NECAB1: variants seen among roughly 807,000 people sequenced by gnomAD.
NECAB1 encodes N-terminal EF-hand calcium-binding protein 1.
In NECAB1, 29 loss-of-function variants were observed where a neutral mutation model predicts 57.5. That is an observed-to-expected ratio of 0.50 (90% CI 0.38 to 0.69). The LOEUF is 0.69. Ranked by LOEUF, NECAB1 falls within the 30% of genes least tolerant of loss-of-function variation. The pLI is 0.00. For synonymous variants in NECAB1, 142 were observed against 147.7 expected (o/e 0.96, Z 0.28); for missense variants, 372 against 413.8 (o/e 0.90, Z 0.88).
At chr8:90,811,365 A>G (rs995835068) in intron 2 of NECAB1, among the ~76,000 whole-genome samples, 5 of 152,194 alleles carry the variant, frequency 3.3e-5, no homozygotes, top group Admixed American at 6.5e-5. Context: ...AGGCATCACT[A>G]AGCCAAATGA....
intron 5 of NECAB1, among the ~76,000 whole-genome samples, chr8:90,898,533 G>A (rs181714889): frequency 1.4e-4 from 22 of 152,326 alleles, no homozygotes; most frequent in Non-Finnish European, 3.1e-4. Flanking sequence ...GCAGCTCCAA[G>A]TGAGTTTGAA....
intron 12 of NECAB1, among the ~76,000 whole-genome samples, chr8:90,955,112 T>TTATATATATA (rs59244524): frequency 0.042 from 2,938 of 70,496 alleles, 206 homozygotes; most frequent in East Asian, 0.06. Context: ...GGTATATAAA[T>TTATATATATA]TATATATATA....
At chr8:90,911,692 C>G (rs141357927) in intron 5 of NECAB1, among the ~76,000 whole-genome samples, 1 of 152,212 alleles carries the variant, frequency 6.6e-6, no homozygotes, top group East Asian at 1.9e-4. Flanking sequence ...TTGTGAAGAG[C>G]CTGCTATGTG....
At position 90,881,022 on chromosome 8, in the gene NECAB1, T is replaced by C; in HGVS notation, c.260-11T>C. 6.4e-7 allele frequency: 1 copy of C among 1,559,824 alleles called. No homozygotes were observed. Among genetic ancestry groups the C allele is most frequent in the African/African-American group, 1.4e-5 (1 of 73,340 alleles). On this transcript the variant is annotated splice_polypyrimidine_tract_variant and intron_variant, in intron 4 of 12. Transcript: ENST00000417640. ...CAAATATGAATTTATTTCAATATTT[T>C]CATTTTTCAGAATATTTTTCTCAGC... is the stretch of plus-strand genomic sequence containing the variant.
At position 90,917,840 on chromosome 8, in the gene NECAB1, CTATATATA is replaced by C. The variant is rs34288387; in HGVS notation, c.494+236_494+243del. Among the ~76,000 whole-genome samples, 73 of 47,332 alleles carry C rather than the reference CTATATATA, an allele frequency of 1.5e-3. 3 individuals carry two copies. Among genetic ancestry groups the C allele is most frequent in the South Asian group, 7.2e-3 (10 of 1,380 alleles). The allele number at this position is 47,332 out of a possible 152,430, so 31.1% of individuals were successfully genotyped here. A position where few individuals can be genotyped will look rare whatever the true frequency, so the allele number is the denominator to read the frequency against. ...CTTTTACTGTCAGTCATTTAGTAAA[CTATATATA>C]TATATATATATATATATATATATGT... On this transcript the variant is annotated intron_variant, in intron 6 of 12. Coordinates refer to ENST00000417640, the MANE Select transcript of NECAB1 (RefSeq NM_022351.5).
intron 10 of NECAB1, 48 bp from the exon 11 acceptor site, chr8:90,949,759 C>T (rs1333721716): frequency 9.1e-7 from 1 of 1,102,300 alleles, no homozygotes; most frequent in Non-Finnish European, 1.4e-6. Flanking sequence ...AGTTAGCTTG[C>T]ATCTTTAATT....
rs532584858 is a variant in NECAB1 at position 90,872,159 on chromosome 8, T to A, written c.259+6T>A. On this transcript the variant is annotated splice_donor_region_variant and intron_variant, in intron 4 of 12. Transcript: ENST00000417640. ...TGACACAGAAGAGCTATGTGGTAAG[T>A]GTTTCTTTAAGATCAGTCAAACCTA... 21 of 1,547,398 alleles carry A rather than the reference T, an allele frequency of 1.4e-5. No homozygotes were observed. The East Asian group carries it at 4.3e-4, about 32-fold the overall frequency.
chr8:90,898,864 C>T (rs1319945507), intron 5 of NECAB1, among the ~76,000 whole-genome samples: 1 of 152,220 alleles, frequency 6.6e-6, no homozygotes, highest in Non-Finnish European at 1.5e-5. Flanking sequence ...TTTGTCTCAT[C>T]CCAACTGAGA....
At chr8:90,945,109 G>T (rs755544278) in intron 10 of NECAB1, among the ~76,000 whole-genome samples, 5 of 151,972 alleles carry the variant, frequency 3.3e-5, no homozygotes, top group Non-Finnish European at 5.9e-5. Context: ...TGTCGCCCAG[G>T]CTGGAGTGCC....
chr8:90,885,815 C>T (rs79792349), intron 5 of NECAB1, among the ~76,000 whole-genome samples: 1,531 of 152,250 alleles, frequency 0.01, 24 homozygotes, highest in African/African-American at 0.035. Context: ...TTGAAACAAT[C>T]AAAGTCTTTA....
intron 3 of NECAB1, among the ~76,000 whole-genome samples, chr8:90,851,549 G>T (rs1483393354): frequency 1.3e-5 from 2 of 151,854 alleles, no homozygotes; most frequent in Non-Finnish European, 2.9e-5. Context: ...CCATACATTT[G>T]GTGTCATAAG....
intron 3 of NECAB1, among the ~76,000 whole-genome samples, chr8:90,852,843 A>G (rs1319501287): frequency 6.6e-6 from 1 of 152,174 alleles, no homozygotes; most frequent in Non-Finnish European, 1.5e-5. Context: ...ACCATCCTTC[A>G]ATTCATTCGT....
chr8:90,927,994 C>A (rs549364178), intron 7 of NECAB1, among the ~76,000 whole-genome samples: 1 of 115,224 alleles, frequency 8.7e-6, no homozygotes, highest in South Asian at 2.4e-4. Context: ...TATCAAAGGC[C>A]AAATAGGCAA....
intron 5 of NECAB1, among the ~76,000 whole-genome samples, chr8:90,881,870 C>G (rs1445224067): frequency 6.6e-6 from 1 of 152,128 alleles, no homozygotes; most frequent in African/African-American, 2.4e-5. Flanking sequence ...GACACCTGAA[C>G]ACTGAGAGAT....
intron 3 of NECAB1, among the ~76,000 whole-genome samples, chr8:90,826,123 G>C (rs1812220568): frequency 6.6e-6 from 1 of 151,764 alleles, no homozygotes; most frequent in Non-Finnish European, 1.5e-5. Flanking sequence ...AAAGGGGTGG[G>C]GAGAAGAATA....
intron 2 of NECAB1, among the ~76,000 whole-genome samples, chr8:90,808,590 A>C (rs1679613400): frequency 2.0e-5 from 3 of 151,188 alleles, no homozygotes; most frequent in Admixed American, 2.0e-4. Context: ...GGAAGTTCTT[A>C]ATAAGTGTTA....
intron 3 of NECAB1, among the ~76,000 whole-genome samples, chr8:90,830,482 C>G (rs1812284699): frequency 6.6e-6 from 1 of 152,048 alleles, no homozygotes; most frequent in East Asian, 1.9e-4. Flanking sequence ...GACTAACATG[C>G]AATGAACAAA....
chr8:90,927,610 T>TAC (rs71560287), intron 7 of NECAB1, among the ~76,000 whole-genome samples: 35,044 of 143,304 alleles, frequency 0.24, 4,392 homozygotes, highest in East Asian at 0.55. Flanking sequence ...TGGTGCTAGA[T>TAC]ACACACACAC....
intron 5 of NECAB1, among the ~76,000 whole-genome samples, chr8:90,902,448 T>C (rs1031684633): frequency 2.6e-5 from 4 of 152,104 alleles, no homozygotes; most frequent in African/African-American, 9.7e-5. Context: ...ATTATTACTA[T>C]TAAGTTACAT....
Sources: gnomAD v4.1 joint callset for allele counts (sites outside exome capture counted in the v4.1 genomes callset) on GRCh38, gnomAD v4.1.1 for gene constraint, MANE v1.5 for transcripts, NCBI Gene and HGNC (gene_info 2026-07-23, HGNC 2026-07-21) for gene names.